Variants in HIVEP2 observed in about 807,000 individuals in gnomAD.
HIVEP2 encodes transcription factor HIVEP2.
A neutral mutation model predicts 180.7 loss-of-function variants in HIVEP2; 14 were observed. The observed-to-expected ratio is 0.08, with a 90% CI of 0.05 to 0.12. HIVEP2 has a LOEUF of 0.12. Among genes scored for constraint, HIVEP2 ranks in the 10% least tolerant of loss-of-function variants. HIVEP2 has a pLI of 1.00. For synonymous variants in HIVEP2, 1,184 were observed against 1,136.4 expected (o/e 1.04, Z -0.84); for missense variants, 2,579 against 3,008.5 (o/e 0.86, Z 3.34).
chr6:142,770,598 T>C lies in HIVEP2; in HGVS notation c.4141A>G (p.Asn1381Asp). 1.2e-6 allele frequency: 2 copies of C among 1,614,222 alleles called. No individual in the cohort carries two copies. The change falls in exon 5 of 10, where the codon AAC becomes GAC. Residue 1381 changes from asparagine (N) to aspartate (D), a missense_variant. Coordinates refer to ENST00000367603, the MANE Select transcript of HIVEP2 (RefSeq NM_006734.4). This position sits in a 1 kb window ranked among gnomAD's most constrained non-coding sequence, Gnocchi z 4.7. ...AATCCTATCCCTTGCATGGCTGCGTTGGTGACCAGTGTCCTTTGGGTCATA... is the reference window on the plus strand; with the variant it reads ...AATCCTATCCCTTGCATGGCTGCGTCGGTGACCAGTGTCCTTTGGGTCATA... Reference protein sequence around the residue: ...ENMTQRTLVTNAAMQGIGFNI... With the variant: ...ENMTQRTLVTDAAMQGIGFNI...
chr6:142,899,610 A>G (rs1314675287), intron 1 of HIVEP2, among the ~76,000 whole-genome samples: 2 of 152,258 alleles, frequency 1.3e-5, no homozygotes, highest in Non-Finnish European at 2.9e-5. Context: ...GCAAATCCCA[A>G]GAGAATGAAC....
At position 142,944,622 on chromosome 6, in the gene HIVEP2, C is replaced by CA. The variant is rs1327057155; in HGVS notation, c.-641+476_-641+477insT. Among the ~76,000 whole-genome samples the CA allele has an allele frequency of 2.0e-5, 3 of 152,302 alleles. No individual in the cohort carries two copies. In the East Asian group the frequency reaches 5.8e-4, roughly 30 times the overall value. The stretch of plus-strand genomic sequence containing the variant: ...CGGCAGAGAGCCCCTCGTTAACCCC[C>CA]TTCCTGTGGCTGCACCACGTCATGG... On this transcript the variant is annotated intron_variant, in intron 1 of 9. Coordinates refer to ENST00000367603, the MANE Select transcript of HIVEP2 (RefSeq NM_006734.4).
chr6:142,934,125 T>C (rs914382400), intron 1 of HIVEP2, among the ~76,000 whole-genome samples: 2 of 152,236 alleles, frequency 1.3e-5, no homozygotes, highest in Non-Finnish European at 2.9e-5. Flanking sequence ...AACAACACTT[T>C]ACTAACCCTT....
chr6:142,870,283 A>G (rs1776256913), intron 1 of HIVEP2, among the ~76,000 whole-genome samples: 1 of 152,146 alleles, frequency 6.6e-6, no homozygotes, highest in Non-Finnish European at 1.5e-5. Context: ...CCGCACTCTC[A>G]CTGACCACAT....
rs769163368 is a variant in HIVEP2 at position 142,770,730 on chromosome 6, G to A, written c.4009C>T (p.Arg1337Trp). The change falls in exon 5 of 10, where the codon CGG becomes TGG. Residue 1337 changes from arginine to tryptophan, a missense_variant. By Grantham distance (101) the Arg-to-Trp change is moderately radical. Coordinates refer to ENST00000367603, the MANE Select transcript of HIVEP2 (RefSeq NM_006734.4). This position sits in a 1 kb window ranked among gnomAD's most constrained non-coding sequence, Gnocchi z 4.7. Reference protein sequence around the residue: ...QSLPGTVVPVRIQTHVPSYGS... With the variant: ...QSLPGTVVPVWIQTHVPSYGS... ...TAGGATGGTACGTGCGTCTGGATCCGAACAGGAACCACTGTTCCTGGGAGG... is the reference window on the plus strand; with the variant it reads ...TAGGATGGTACGTGCGTCTGGATCCAAACAGGAACCACTGTTCCTGGGAGG... The A allele has an allele frequency of 1.9e-6, 3 of 1,613,974 alleles. No homozygotes were observed. Among genetic ancestry groups the A allele is most frequent in the East Asian group, 2.2e-5 (1 of 44,902 alleles).
Position 142,773,936 on chromosome 6 carries a change from T to C in HIVEP2, c.803A>G (p.Glu268Gly). 3.7e-6 allele frequency: 6 copies of C among 1,614,124 alleles called. No homozygotes were observed. Among genetic ancestry groups the C allele is most frequent in the African/African-American group, 1.3e-5 (1 of 75,056 alleles). ...TTCACCATCTGAATGTATTTCTGCT[T>C]CTACATCAATAAAACCAGCCTCTAG... ...LDLEAGFIDVEAEIHSDGEQS... is the reference protein window; with the variant it reads ...LDLEAGFIDVGAEIHSDGEQS... Residue 268 changes from glutamate (E) to glycine (G), a missense_variant, in exon 5 of 10, where the codon GAA (glutamate) becomes GGA (glycine). By Grantham distance (98) the Glu-to-Gly change is moderately conservative. Transcript: ENST00000367603.
rs1322595973 is a variant in HIVEP2 at position 142,765,841 on chromosome 6, T to C, written c.5343-867A>G. 2.0e-5 allele frequency among the ~76,000 whole-genome samples: 3 copies of C among 152,188 alleles called. No homozygotes were observed. The South Asian group carries it at 6.2e-4, about 31-fold the overall frequency. The stretch of plus-strand genomic sequence containing the variant: ...TTCCATTTTAGAATACAATAAAACA[T>C]AATTTGTCATAAGATATAGTAGTAG... On this transcript the variant is annotated intron_variant, in intron 6 of 9. Coordinates refer to ENST00000367603, the MANE Select transcript of HIVEP2 (RefSeq NM_006734.4).
chr6:142,768,484 A>T lies in HIVEP2; in HGVS notation c.5240T>A (p.Val1747Glu), dbSNP rs1775430165. ...LFGSKLERKL[V>E]GNILKERGKG... ...CCCTCTTTCCTTTAAGATATTTCCC[A>T]CTAGTTTCCTTTCTAGTTTGCTGCC... The change falls in exon 6 of 10, where the codon GTG becomes GAG. Residue 1747 changes from valine to glutamate, a missense_variant. By Grantham distance (121) the Val-to-Glu change is moderately radical. Coordinates refer to ENST00000367603, the MANE Select transcript of HIVEP2 (RefSeq NM_006734.4). 1 of 1,613,294 alleles carries T rather than the reference A, an allele frequency of 6.2e-7. No individual in the cohort carries two copies. The highest frequency in any genetic ancestry group is 8.5e-7 in the Non-Finnish European group (1 of 1,179,690).
intron 1 of HIVEP2, among the ~76,000 whole-genome samples, chr6:142,847,291 C>T (rs1447010239): frequency 6.6e-6 from 1 of 152,150 alleles, no homozygotes; most frequent in Non-Finnish European, 1.5e-5. Context: ...CGTTCTGGCT[C>T]TTTCACCAGT....
At chr6:142,788,366 A>G (rs1180883532) in intron 2 of HIVEP2, 1 of 152,156 alleles carries the variant, frequency 6.6e-6, no homozygotes, top group African/African-American at 2.4e-5. Flanking sequence ...ATATGCCAGA[A>G]ATGGGCTGTA....
chr6:142,824,839 G>C (rs1225950054), intron 2 of HIVEP2, among the ~76,000 whole-genome samples: 1 of 152,096 alleles, frequency 6.6e-6, no homozygotes, highest in Non-Finnish European at 1.5e-5. Flanking sequence ...AGGGAGGGGT[G>C]GTTCTGCAAT....
chr6:142,785,306 CCT>C (rs2114701629), intron 2 of HIVEP2, among the ~76,000 whole-genome samples: 1 of 51,110 alleles, frequency 2.0e-5, no homozygotes, highest in East Asian at 7.7e-4. Flanking sequence ...GCATGGCATT[CCT>C]CAAAAAAAAA....
At chr6:142,913,233 T>C (rs1327745654) in intron 1 of HIVEP2, among the ~76,000 whole-genome samples, 1 of 152,204 alleles carries the variant, frequency 6.6e-6, no homozygotes, top group African/African-American at 2.4e-5. Flanking sequence ...ACTCAAGCCT[T>C]GGGATGCTAA....
At position 142,753,412 on chromosome 6, in the gene HIVEP2, G is replaced by A. The variant is rs117019703; in HGVS notation, c.7036C>T (p.Leu2346Phe). ...LRIATEEAAL[L>F]GPDQPARVQE... ...ACCCGCGCTGGCTGATCTGGCCCGAGCAGAGCTGCCTCTTCCGTGGCAATC... is the reference window on the plus strand; with the variant it reads ...ACCCGCGCTGGCTGATCTGGCCCGAACAGAGCTGCCTCTTCCGTGGCAATC... The change falls in exon 10 of 10, where the codon CTC (leucine) becomes TTC (phenylalanine). Residue 2346 changes from leucine (L) to phenylalanine (F), a missense_variant. By Grantham distance (22) the Leu-to-Phe change is conservative. Around this residue, in one of 11 missense-constraint regions of HIVEP2, gnomAD observed 660 missense variants for 731.7 expected, o/e 0.90. Coordinates refer to ENST00000367603, the MANE Select transcript of HIVEP2 (RefSeq NM_006734.4). 3.7e-3 allele frequency: 5,966 copies of A among 1,613,938 alleles called. 13 individuals are homozygous for A. Among genetic ancestry groups the A allele is most frequent in the Non-Finnish European group, 4.5e-3 (5,297 of 1,180,046 alleles).
At chr6:142,756,065 A>G (rs1235763690) in intron 9 of HIVEP2, among the ~76,000 whole-genome samples, 1 of 152,258 alleles carries the variant, frequency 6.6e-6, no homozygotes, top group Non-Finnish European at 1.5e-5. Flanking sequence ...CAAATAGTGA[A>G]TTCAAATGTA....
At chr6:142,763,648 A>G (rs1775308686) in intron 7 of HIVEP2, among the ~76,000 whole-genome samples, 1 of 152,180 alleles carries the variant, frequency 6.6e-6, no homozygotes, top group Non-Finnish European at 1.5e-5. Context: ...TGACTATTGA[A>G]TTGCAATATT....
chr6:142,893,314 C>T (rs1362986983), intron 1 of HIVEP2, among the ~76,000 whole-genome samples: 4 of 152,138 alleles, frequency 2.6e-5, no homozygotes, highest in Non-Finnish European at 5.9e-5. Context: ...GTGCCTAGCA[C>T]GAAGAAACCC....
chr6:142,772,198 A>T lies in HIVEP2; in HGVS notation c.2541T>A (p.Ser847Arg), dbSNP rs1486029725. 3 of 1,613,888 alleles carry T rather than the reference A, an allele frequency of 1.9e-6. No homozygotes were observed. Among genetic ancestry groups the T allele is most frequent in the Non-Finnish European group, 1.7e-6 (2 of 1,179,998 alleles). Residue 847 changes from serine (S) to arginine (R), a missense_variant, in exon 5 of 10, where the codon AGT becomes AGA. By Grantham distance (110) the Ser-to-Arg change is moderately radical. Around this residue, in one of 11 missense-constraint regions of HIVEP2, gnomAD observed 524 missense variants for 563.6 expected, o/e 0.93. Transcript: ENST00000367603. This position sits in a 1 kb window ranked among gnomAD's most constrained non-coding sequence, Gnocchi z 4.9. ...CATCCCCAGGTGGAGCCCACTCAGG[A>T]CTCACTGGGGCTTCTGAAATCTCAC... ...CDSEISEAPV[S>R]PEWAPPGDGA...
intron 9 of HIVEP2, among the ~76,000 whole-genome samples, chr6:142,756,782 T>G (rs1025212898): frequency 6.6e-6 from 1 of 151,942 alleles, no homozygotes; most frequent in Non-Finnish European, 1.5e-5. Context: ...ACTGAATAAA[T>G]GGATAAAAGA....
Sources: gnomAD v4.1 joint callset for allele counts (sites outside exome capture counted in the v4.1 genomes callset) on GRCh38, gnomAD v4.1.1 for gene constraint, gnomAD v4.1.1 regional missense constraint, Gnocchi (gnomAD v3.1) non-coding constraint, MANE v1.5 for transcripts, NCBI Gene and HGNC (gene_info 2026-07-23, HGNC 2026-07-21) for gene names.